The following KCNG2 variants were observed in gnomAD, a reference collection of about 807,000 sequenced individuals.
KCNG2 encodes the protein potassium voltage-gated channel modifier subfamily G member 2, also known as voltage-gated potassium channel regulatory subunit KCNG2.
In KCNG2, 7 loss-of-function variants were observed where a neutral mutation model predicts 12.3. That is an observed-to-expected ratio of 0.57 (90% confidence interval 0.32 to 1.07). The LOEUF (loss-of-function observed/expected upper bound fraction) is 1.07. KCNG2 is among the 50% of genes least tolerant of loss of function. The probability of loss-of-function intolerance (pLI) is 0.04; values close to 1 mark genes in which losing one functional copy is unlikely to be tolerated. For synonymous variants in KCNG2, 414 were observed against 351.4 expected (o/e 1.18, Z -1.99); for missense variants, 703 against 726.0 (o/e 0.97, Z 0.36).
chr18:79,878,817 G>A (rs1000710382), intron 3 of KCNG2, among the ~76,000 whole-genome samples: 8 of 152,364 alleles, frequency 5.3e-5, no homozygotes, highest in African/African-American at 1.2e-4. Flanking sequence ...GGCGCTTTCC[G>A]CACGAAGGAA....
At chr18:79,833,644 GC>G (rs1179707970) in intron 1 of KCNG2, among the ~76,000 whole-genome samples, 2 of 152,210 alleles carry the variant, frequency 1.3e-5, no homozygotes, top group Non-Finnish European at 2.9e-5. Flanking sequence ...ACAAACCTTT[GC>G]TGCAACGTCA....
In KCNG2 at chr18:79,864,296, G is replaced by A. The variant is rs753145705; in HGVS notation, c.624+5G>A. Reference sequence around the variant, plus strand: ...ATCCGCGCCGAGGAGGAGCGGGTGAGCGCGGCCGGGGGTGGCGGGGACCGG... The same window carrying A: ...ATCCGCGCCGAGGAGGAGCGGGTGAACGCGGCCGGGGGTGGCGGGGACCGG... On this transcript the variant is annotated splice_donor_5th_base_variant and intron_variant, in intron 3 of 3. Coordinates refer to ENST00000316249, the MANE Select transcript of KCNG2 (RefSeq NM_012283.2). 1.6e-5 allele frequency: 24 copies of A among 1,526,116 alleles called. No homozygotes were observed. Among genetic ancestry groups the A allele is most frequent in the Non-Finnish European group, 2.0e-5 (23 of 1,143,166 alleles). The allele number at this position is 1,526,116 out of a possible 1,614,324, so 94.5% of individuals were successfully genotyped here. A position where few individuals can be genotyped will look rare whatever the true frequency, so the allele number is the denominator to read the frequency against.
intron 3 of KCNG2, among the ~76,000 whole-genome samples, chr18:79,875,193 G>A (rs1290612473): frequency 6.6e-6 from 1 of 152,136 alleles, no homozygotes; most frequent in Non-Finnish European, 1.5e-5. Context: ...TGGCCATGAG[G>A]AGATTGCCCT....
chr18:79,828,533 GTC>G (rs1486053744), intron 1 of KCNG2, among the ~76,000 whole-genome samples: 2 of 151,910 alleles, frequency 1.3e-5, no homozygotes, highest in Non-Finnish European at 2.9e-5. Context: ...GTTTATGCAT[GTC>G]TGTGTGTGCA....
At chr18:79,855,771 C>T (rs539939626) in intron 1 of KCNG2, among the ~76,000 whole-genome samples, 35 of 152,178 alleles carry the variant, frequency 2.3e-4, no homozygotes, top group African/African-American at 8.4e-4. Context: ...TCACCTCTGT[C>T]GTCACTGAAC....
intron 3 of KCNG2, 109 bp from the exon 4 acceptor site, chr18:79,898,931 C>A: frequency 1.0e-5 from 8 of 790,622 alleles, no homozygotes; most frequent in Non-Finnish European, 1.5e-5. Context: ...TGGGTTGGGG[C>A]GGGAAGGGTG....
rs2122995405 is a variant in KCNG2, at chr18:79,811,563, A to G, written c.-115+13549A>G. On this transcript the variant is annotated intron_variant, in intron 1 of 3. Transcript: ENST00000316249. ...CAAAATGTCCATGATACAATAAAAAAAAGTCACTCACCAAGAACCAAGAAA... is the reference window on the plus strand; with the variant it reads ...CAAAATGTCCATGATACAATAAAAAGAAGTCACTCACCAAGAACCAAGAAA... Among the ~76,000 whole-genome samples, 3 of 152,350 alleles carry G rather than the reference A, an allele frequency of 2.0e-5. 1 individual carries two copies. The Middle Eastern group carries it at 0.01, about 518-fold the overall frequency.
At chr18:79,829,526 TC>T (rs1272167161) in intron 1 of KCNG2, among the ~76,000 whole-genome samples, 3 of 152,166 alleles carry the variant, frequency 2.0e-5, no homozygotes, top group African/African-American at 7.2e-5. Flanking sequence ...CGTCTCTGCC[TC>T]CCTACGGCCG....
intron 1 of KCNG2, among the ~76,000 whole-genome samples, chr18:79,802,673 C>A (rs1429218210): frequency 1.3e-5 from 2 of 152,148 alleles, no homozygotes; most frequent in Non-Finnish European, 2.9e-5. Context: ...ATAACAGATT[C>A]TGAGCGTACA....
chr18:79,839,869 A>G (rs1978408156), intron 1 of KCNG2, among the ~76,000 whole-genome samples: 2 of 152,258 alleles, frequency 1.3e-5, no homozygotes, highest in Admixed American at 1.3e-4. Context: ...TTGACAGGCT[A>G]AAGAAAAATC....
chr18:79,863,948 G>T lies in KCNG2; in HGVS notation c.281G>T (p.Arg94Leu). The T allele has an allele frequency of 7.6e-7, 1 of 1,323,850 alleles. No individual in the cohort carries two copies. Among genetic ancestry groups the T allele is most frequent in the East Asian group, 3.2e-5 (1 of 31,334 alleles). The allele number at this position is 1,323,850 out of a possible 1,614,324, so 82.0% of individuals were successfully genotyped here. The part of the protein sequence containing the change: ...LLRAGKLRLL[R>L]GPCALAFRDE... ...CGCGCAGGGAAGCTGCGACTGCTGC[G>T]GGGCCCGTGCGCGCTGGCCTTCCGC... Residue 94 changes from arginine (R) to leucine (L), a missense_variant, in exon 3 of 4, where the codon CGG becomes CTG. By Grantham distance (102) the Arg-to-Leu change is moderately radical. Coordinates refer to ENST00000316249, the MANE Select transcript of KCNG2 (RefSeq NM_012283.2).
At chr18:79,812,592 G>A (rs1568242678) in intron 1 of KCNG2, among the ~76,000 whole-genome samples, 1 of 152,208 alleles carries the variant, frequency 6.6e-6, no homozygotes, top group Non-Finnish European at 1.5e-5. Context: ...CGGGCCTGGT[G>A]GCTCACGCCT....
intron 1 of KCNG2, among the ~76,000 whole-genome samples, chr18:79,849,079 C>G (rs899534618): frequency 1.4e-4 from 21 of 152,222 alleles, no homozygotes; most frequent in African/African-American, 4.3e-4. Context: ...CCACGCAGGC[C>G]ACTCGGCCGC....
chr18:79,882,847 G>T lies in KCNG2; in HGVS notation c.625-16193G>T, dbSNP rs545210337. 2.9e-3 allele frequency among the ~76,000 whole-genome samples: 444 copies of T among 151,170 alleles called. 9 individuals carry two copies. Among genetic ancestry groups the T allele is most frequent in the African/African-American group, 0.011 (431 of 40,850 alleles). On this transcript the variant is annotated intron_variant, in intron 3 of 3. Transcript: ENST00000316249. Reference sequence around the variant, plus strand: ...GCGGAGGCCGGGTACACCTGCGCGTGGAGCGCGGAGGCCGGGTACACCTGC... The same window carrying T: ...GCGGAGGCCGGGTACACCTGCGCGTTGAGCGCGGAGGCCGGGTACACCTGC...
At chr18:79,872,814 C>T (rs1479362328) in intron 3 of KCNG2, among the ~76,000 whole-genome samples, 4 of 152,216 alleles carry the variant, frequency 2.6e-5, no homozygotes, top group Admixed American at 1.3e-4. Flanking sequence ...GAATAATTTA[C>T]GTGCCTTGCT....
chr18:79,847,702 G>T (rs926987897), intron 1 of KCNG2, among the ~76,000 whole-genome samples: 3 of 152,194 alleles, frequency 2.0e-5, no homozygotes, highest in African/African-American at 7.2e-5. Context: ...ACTCTGGGTA[G>T]TGGCAGTTGC....
At chr18:79,860,415 T>C (rs552907238) in intron 2 of KCNG2, among the ~76,000 whole-genome samples, 1 of 152,350 alleles carries the variant, frequency 6.6e-6, no homozygotes, top group Admixed American at 6.5e-5. Flanking sequence ...GAGCATGGAA[T>C]GTCTTTTCAT....
In KCNG2 at chr18:79,864,260, C is replaced by T. The variant is rs1161088582; in HGVS notation, c.593C>T (p.Thr198Ile). 1 of 1,546,842 alleles carries T rather than the reference C, an allele frequency of 6.5e-7. No individual in the cohort carries two copies. Among genetic ancestry groups the T allele is most frequent in the South Asian group, 1.1e-5 (1 of 88,358 alleles). Reference sequence around the variant, plus strand: ...ACGGCCGTGGGCCTCTGCCTGAGCACCATGCCGGACATCCGCGCCGAGGAG... The same window carrying T: ...ACGGCCGTGGGCCTCTGCCTGAGCATCATGCCGGACATCCGCGCCGAGGAG... ...AVTAVGLCLS[T>I]MPDIRAEEER... Residue 198 changes from threonine (T) to isoleucine (I), a missense_variant, in exon 3 of 4, where the codon ACC becomes ATC. Thr to Ile is a moderately conservative substitution (Grantham distance 89). Coordinates refer to ENST00000316249, the MANE Select transcript of KCNG2 (RefSeq NM_012283.2).
intron 3 of KCNG2, among the ~76,000 whole-genome samples, chr18:79,877,128 C>T (rs569907446): frequency 1.2e-4 from 18 of 152,342 alleles, no homozygotes; most frequent in Middle Eastern, 3.4e-3. Context: ...CTTCATTTGA[C>T]GCAAGAGGCC....
Sources: gnomAD v4.1 joint callset for allele counts (sites outside exome capture counted in the v4.1 genomes callset) on GRCh38, gnomAD v4.1.1 for gene constraint, MANE v1.5 for transcripts, NCBI Gene and HGNC (gene_info 2026-07-23, HGNC 2026-07-21) for gene names.